Variants in CFP observed in about 807,000 individuals in gnomAD.
CFP encodes the protein complement factor properdin, also known as properdin.
CFP carries 14 observed loss-of-function variants against 42.1 expected under a neutral mutation model. That is an observed-to-expected ratio of 0.33 (90% CI 0.22 to 0.52). The LOEUF (loss-of-function observed/expected upper bound fraction) is 0.52. CFP is among the 20% of genes least tolerant of loss of function. The pLI, the probability that CFP is intolerant of heterozygous loss-of-function variation, is 0.96. For synonymous variants in CFP, 149 were observed against 160.6 expected (o/e 0.93, Z 0.54); for missense variants, 318 against 400.4 (o/e 0.79, Z 1.76).
Position 47,629,828 on chromosome X carries a change from G to A in CFP, c.17C>T (p.Ala6Val), listed in dbSNP as rs373595560. Residue 6 changes from alanine to valine, a missense_variant, in exon 1 of 9, where the codon GCG becomes GTG. Physicochemically the swap from Ala to Val is moderately conservative, Grantham distance 64 (BLOSUM62 0). Transcript: ENST00000396992. ...CGGCAGCAACAATCGAGGGGCCTGC[G>A]CTCCCTCTGTGATCATGTTGAGTAC... MITEG[A>V]QAPRLLLPPL... 2.6e-6 allele frequency: 3 copies of A among 1,165,126 alleles called. No homozygotes were observed. The highest frequency in any genetic ancestry group is 3.4e-6 in the Non-Finnish European group (3 of 872,494).
intron 6 of CFP, 69 bp from the exon 7 acceptor site, chrX:47,626,588 T>C: frequency 8.8e-7 from 1 of 1,134,453 alleles, no homozygotes; most frequent in African/African-American, 1.8e-5. Context: ...GAGGAAGGAA[T>C]GAGGGCGGTA....
intron 2 of CFP, chrX:47,629,290 T>C: frequency 2.5e-6 from 1 of 398,347 alleles, no homozygotes; most frequent in Non-Finnish European, 4.4e-6. Flanking sequence ...AGTGGAAGGC[T>C]AGGGGTGTTA....
Position 47,623,987 on chromosome X carries a change from T to C in CFP, c.*288A>G, listed in dbSNP as rs1423969305. On this transcript the variant is annotated 3_prime_UTR_variant, in exon 9 of 9. Transcript: ENST00000396992. Reference sequence around the variant, plus strand: ...GGCGGCCCTGAGGCTCTAAGGGGGCTGCGCAGGGCCCAGACATTGGGGTTA... The same window carrying C: ...GGCGGCCCTGAGGCTCTAAGGGGGCCGCGCAGGGCCCAGACATTGGGGTTA... 2 of 346,243 alleles carry C rather than the reference T, an allele frequency of 5.8e-6. No homozygotes were observed. The highest frequency in any genetic ancestry group is 1.0e-5 in the Non-Finnish European group (2 of 195,888). 28.5% of individuals were successfully genotyped at this position (346,243 alleles called of 1,213,427 possible).
intron 3 of CFP, 70 bp from the exon 4 acceptor site, chrX:47,627,711 G>A: frequency 9.9e-7 from 1 of 1,007,394 alleles, no homozygotes; most frequent in Non-Finnish European, 1.3e-6. Flanking sequence ...TTCCTTGAGT[G>A]CCCCACATGA....
At position 47,629,884 on chromosome X, in the gene CFP, C is replaced by A; in HGVS notation, c.-40G>T. The A allele has an allele frequency of 8.8e-7, 1 of 1,139,923 alleles. No homozygotes were observed. Among genetic ancestry groups the A allele is most frequent in the Non-Finnish European group, 1.2e-6 (1 of 847,938 alleles). The allele number at this position is 1,139,923 out of a possible 1,213,427, so 93.9% of individuals were successfully genotyped here. ...CCTGCACCTCTACCAGAGAGGAGGTCCCGCTTTATCTGGGTTGATAGGCTC... is the reference window on the plus strand; with the variant it reads ...CCTGCACCTCTACCAGAGAGGAGGTACCGCTTTATCTGGGTTGATAGGCTC... On this transcript the variant is annotated 5_prime_UTR_variant, in exon 1 of 9. Transcript: ENST00000396992.
In CFP at chrX:47,624,017, A is replaced by G; in HGVS notation, c.*258T>C. The G allele has an allele frequency of 1.6e-5, 6 of 386,478 alleles. No individual in the cohort carries two copies. The South Asian group carries it at 1.7e-4, about 11-fold the overall frequency. The allele number at this position is 386,478 out of a possible 1,213,427, so 31.9% of individuals were successfully genotyped here. A position where few individuals can be genotyped will look rare whatever the true frequency, so the allele number is the denominator to read the frequency against. On this transcript the variant is annotated 3_prime_UTR_variant, in exon 9 of 9. Transcript: ENST00000396992. ...AGGGCCCAGACATTGGGGTTATGGCAGCGGCGGGGAGAGGCTGGGACTGCA... is the reference window on the plus strand; with the variant it reads ...AGGGCCCAGACATTGGGGTTATGGCGGCGGCGGGGAGAGGCTGGGACTGCA...
At chrX:47,628,394 G>T in intron 2 of CFP, 117 bp from the exon 3 acceptor site, 4 of 694,652 alleles carry the variant, frequency 5.8e-6, no homozygotes, top group Non-Finnish European at 9.0e-6. Context: ...GCGATGGATT[G>T]ATAAGTCCTT....
chrX:47,625,732 G>GT, intron 8 of CFP: 1 of 330,098 alleles, frequency 3.0e-6, no homozygotes, highest in Non-Finnish European at 5.5e-6. Flanking sequence ...AGGCATGAGT[G>GT]ACTGTGGGAG....
chrX:47,624,536 CTACT>C, intron 8 of CFP, 96 bp from the exon 9 acceptor site: 2 of 489,212 alleles, frequency 4.1e-6, no homozygotes, highest in Non-Finnish European at 5.8e-6. Context: ...ATGCCGAGGG[CTACT>C]TTTTTTTTTT....
At position 47,624,102 on chromosome X, in the gene CFP, G is replaced by A. The variant is rs2057958752; in HGVS notation, c.*173C>T. 1.0e-5 allele frequency: 5 copies of A among 502,205 alleles called. No homozygotes were observed. Among genetic ancestry groups the A allele is most frequent in the Admixed American group, 3.2e-5 (1 of 31,429 alleles). 41.4% of individuals were successfully genotyped at this position (502,205 alleles called of 1,213,427 possible). On this transcript the variant is annotated 3_prime_UTR_variant, in exon 9 of 9. Transcript: ENST00000396992. ...GTGGAAAATACTGTTTTCCGCAACA[G>A]GCTGCTGTGTCTTGGCCCGTGCTGT...
At chrX:47,628,834 A>G (rs759595599) in intron 2 of CFP, 10 of 200,545 alleles carry the variant, frequency 5.0e-5, no homozygotes. Context: ...TATAGTAAAC[A>G]AGTAGAAAAC....
chrX:47,624,377 C>T lies in CFP; in HGVS notation c.1308G>A (p.Leu436=). 8.3e-7 allele frequency: 1 copy of T among 1,210,190 alleles called. No individual in the cohort carries two copies. Among genetic ancestry groups the T allele is most frequent in the Non-Finnish European group, 1.1e-6 (1 of 895,045 alleles). The change falls in exon 9 of 9, where the codon CTG becomes CTA. Residue 436 remains leucine, a synonymous_variant. Coordinates refer to ENST00000396992, the MANE Select transcript of CFP (RefSeq NM_001145252.3). ...EKNVTFWGRP[L]PRCEELQGQK... ...GCCCTTGTAGCTCCTCACACCGTGG[C>T]AGCGGTCTCCCCCAGAAGGTCACGT...
At chrX:47,627,437 C>T (rs917929871) in intron 4 of CFP, 34 bp downstream of exon 4, 3 of 1,208,941 alleles carry the variant, frequency 2.5e-6, no homozygotes, top group Non-Finnish European at 3.4e-6. Context: ...ACGCTGGGTG[C>T]ACCCATCAGC....
chrX:47,623,791 G>A lies in CFP; in HGVS notation c.*484C>T, dbSNP rs1295570678. On this transcript the variant is annotated 3_prime_UTR_variant, in exon 9 of 9. Transcript: ENST00000396992. ...GCCGTTCATCCTCGACTGACGCGGA[G>A]TCGGAGTCGGCCGGCAGAGGCTCCT... 1 of 128,395 alleles carries A rather than the reference G, an allele frequency of 7.8e-6. No homozygotes were observed. Among genetic ancestry groups the A allele is most frequent in the Admixed American group, 8.0e-5 (1 of 12,512 alleles). 10.6% of individuals were successfully genotyped at this position (128,395 alleles called of 1,213,427 possible).
At chrX:47,625,625 T>C (rs2057965275) in intron 8 of CFP, 1 of 210,322 alleles carries the variant, frequency 4.8e-6, no homozygotes, top group Non-Finnish European at 9.0e-6. Flanking sequence ...CTGGGTCCCT[T>C]GGAGGATCCA....
intron 7 of CFP, 50 bp from the exon 8 acceptor site, chrX:47,626,219 G>A: frequency 1.8e-6 from 2 of 1,134,254 alleles, no homozygotes; most frequent in Non-Finnish European, 2.4e-6. Context: ...GTCTTGGTGG[G>A]AAAGTGAGAG....
Position 47,627,225 on chromosome X carries a change from C to G in CFP, c.682G>C (p.Glu228Gln), listed in dbSNP as rs1172246846. 4.1e-6 allele frequency: 5 copies of G among 1,210,568 alleles called. No individual in the cohort carries two copies. Among genetic ancestry groups the G allele is most frequent in the Non-Finnish European group, 5.6e-6 (5 of 895,143 alleles). ...ETRSRKCSAPEPSQKPPGKPC... is the reference protein window; with the variant it reads ...ETRSRKCSAPQPSQKPPGKPC... Reference sequence around the variant, plus strand: ...TTCCCAGGAGGTTTCTGGGAGGGCTCAGGTGCAGAACACTTGCGGCTTCGT... The same window carrying G: ...TTCCCAGGAGGTTTCTGGGAGGGCTGAGGTGCAGAACACTTGCGGCTTCGT... Residue 228 changes from glutamate to glutamine, a missense_variant, in exon 5 of 9, where the codon GAG becomes CAG. Transcript: ENST00000396992.
At chrX:47,627,759 GC>G in intron 3 of CFP, 118 bp from the exon 4 acceptor site, 1 of 803,755 alleles carries the variant, frequency 1.2e-6, no homozygotes, top group Non-Finnish European at 1.7e-6. Context: ...ACCATTCTGG[GC>G]CCACCATCCC....
intron 3 of CFP, 93 bp downstream of exon 3, chrX:47,628,008 TG>T: frequency 9.6e-7 from 1 of 1,040,281 alleles, no homozygotes; most frequent in Non-Finnish European, 1.3e-6. Flanking sequence ...TTACAAACAC[TG>T]GGGACGGGCC....
Sources: allele counts gnomAD v4.1 joint callset, GRCh38; gene constraint gnomAD v4.1.1; transcripts MANE v1.5; gene names NCBI Gene and HGNC (gene_info 2026-07-23, HGNC 2026-07-21).